The following RNF213 variants were observed in gnomAD, a reference collection of about 807,000 sequenced individuals.
The protein encoded by RNF213 is ring finger protein 213, also known as E3 ubiquitin-protein ligase RNF213.
RNF213 carries 341 observed loss-of-function variants against 514.4 expected under a neutral mutation model. That is an observed-to-expected ratio of 0.66 (90% CI 0.61 to 0.73). RNF213 has a LOEUF of 0.73. RNF213 is among the 30% of genes least tolerant of loss of function. RNF213 has a pLI of 0.00. For synonymous variants in RNF213, 2,655 were observed against 2,658.2 expected (o/e 1.00, Z 0.04); for missense variants, 5,767 against 6,615.6 (o/e 0.87, Z 4.45).
chr17:80,283,237 G>A (rs905762975), intron 3 of RNF213, among the ~76,000 whole-genome samples: 1 of 152,152 alleles, frequency 6.6e-6, no homozygotes, highest in African/African-American at 2.4e-5. Flanking sequence ...AGTCCTCACC[G>A]AGAAGTAAGT....
chr17:80,382,405 T>C (rs2080052576), intron 57 of RNF213: 1 of 158,492 alleles, frequency 6.3e-6, no homozygotes, highest in Non-Finnish European at 1.4e-5. Context: ...ATAACAATAA[T>C]AGCAAGAAGA....
At chr17:80,267,756 A>G (rs561963797) in intron 2 of RNF213, among the ~76,000 whole-genome samples, 2 of 152,230 alleles carry the variant, frequency 1.3e-5, no homozygotes, top group East Asian at 1.9e-4. Flanking sequence ...GAGAAGCTGC[A>G]GTAAGTTCTC....
chr17:80,296,610 G>T (rs1355219592), intron 10 of RNF213, among the ~76,000 whole-genome samples: 1 of 152,210 alleles, frequency 6.6e-6, no homozygotes, highest in Non-Finnish European at 1.5e-5. Flanking sequence ...TGATTTGAAC[G>T]TGAGAATGAC....
chr17:80,266,714 T>C (rs1017259065), intron 2 of RNF213, among the ~76,000 whole-genome samples: 3 of 151,116 alleles, frequency 2.0e-5, no homozygotes, highest in Non-Finnish European at 4.4e-5. Context: ...GTTGGCCAGG[T>C]TGGTATCAAA....
chr17:80,354,311 T>A, intron 35 of RNF213, 130 bp from the exon 36 acceptor site: 4 of 1,494,896 alleles, frequency 2.7e-6, no homozygotes, highest in Non-Finnish European at 3.7e-6. Context: ...TCTAAGAGCA[T>A]CTCTCAGATT....
intron 36 of RNF213, among the ~76,000 whole-genome samples, chr17:80,356,941 C>CA (rs547702945): frequency 2.1e-3 from 299 of 144,624 alleles, no homozygotes; most frequent in African/African-American, 7.5e-3. Flanking sequence ...TTTTTCGAGA[C>CA]AGAGTCTCAC....
At chr17:80,379,943 C>T (rs1391545510) in intron 55 of RNF213, 2 of 568,178 alleles carry the variant, frequency 3.5e-6, no homozygotes, top group Non-Finnish European at 6.4e-6. Flanking sequence ...TACCCTTTAA[C>T]AGCTGTTAAT....
Position 80,294,970 on chromosome 17 carries a change from G to A in RNF213, c.1722G>A (p.Gln574=). 3 of 1,614,204 alleles carry A rather than the reference G, an allele frequency of 1.9e-6. No individual in the cohort carries two copies. The highest frequency in any genetic ancestry group is 2.2e-5 in the South Asian group (2 of 91,080). Residue 574 remains glutamine, a synonymous_variant, in exon 9 of 68, where the codon CAG becomes CAA. Transcript: ENST00000582970. ...CTATGATTTATGAAGGACAGGCACAGCTGTGGACCGATTTGCAGTACAGGG... is the reference window on the plus strand; with the variant it reads ...CTATGATTTATGAAGGACAGGCACAACTGTGGACCGATTTGCAGTACAGGG... ...QQPMIYEGQA[Q]LWTDLQYREK...
chr17:80,314,180 G>A (rs2045732528), intron 15 of RNF213, among the ~76,000 whole-genome samples: 2 of 122,626 alleles, frequency 1.6e-5, no homozygotes, highest in African/African-American at 6.9e-5. Context: ...TGGAGGTGAT[G>A]GTGGTGGTGA....
chr17:80,294,603 C>A (rs2044867179), intron 8 of RNF213, 117 bp from the exon 9 acceptor site: 1 of 1,287,162 alleles, frequency 7.8e-7, no homozygotes. Context: ...TTCCTCCCTT[C>A]CTCTGCCCCA....
At chr17:80,308,474 A>G (rs2045451906) in intron 13 of RNF213, among the ~76,000 whole-genome samples, 1 of 143,898 alleles carries the variant, frequency 6.9e-6, no homozygotes, top group Admixed American at 6.8e-5. Context: ...AGTCCCTCCT[A>G]AGCCTCCTCC....
At chr17:80,381,520 G>C (rs772892791) in intron 56 of RNF213, 27 bp from the exon 57 acceptor site, 3 of 1,613,162 alleles carry the variant, frequency 1.9e-6, no homozygotes, top group East Asian at 2.2e-5. Context: ...GATCCCCGCT[G>C]AACACTCTGT....
chr17:80,268,645 G>A (rs62074444), intron 2 of RNF213, among the ~76,000 whole-genome samples: 53 of 151,190 alleles, frequency 3.5e-4, no homozygotes, highest in African/African-American at 5.1e-4. Context: ...CCGTTTATCT[G>A]TCTATCTATC....
At chr17:80,378,326 T>G (rs547202101) in intron 54 of RNF213, among the ~76,000 whole-genome samples, 14 of 152,274 alleles carry the variant, frequency 9.2e-5, no homozygotes, top group Admixed American at 8.5e-4. Context: ...CTGTGCGCCA[T>G]GGGGGAAGAA....
chr17:80,273,513 T>C (rs1285119753), intron 3 of RNF213, 109 bp downstream of exon 3: 1 of 1,397,758 alleles, frequency 7.2e-7, no homozygotes. Flanking sequence ...GCCCAGCCCA[T>C]TGAACCTGCC....
intron 5 of RNF213, 130 bp from the exon 6 acceptor site, chr17:80,289,529 G>A: frequency 1.1e-6 from 1 of 951,192 alleles, no homozygotes; most frequent in African/African-American, 1.7e-5. Context: ...GGCGGAGGTT[G>A]CAGTGAGCTG....
intron 16 of RNF213, 26 bp from the exon 17 acceptor site, chr17:80,319,164 A>C (rs772332535): frequency 1.3e-5 from 21 of 1,614,042 alleles, no homozygotes; most frequent in Non-Finnish European, 1.8e-5. Context: ...GAAAGCTCTG[A>C]AACCACCCCC....
At position 80,381,667 on chromosome 17, in the gene RNF213, G is replaced by T. The variant is rs138223459; in HGVS notation, c.13918G>T (p.Gly4640Cys). 7 of 1,614,182 alleles carry T rather than the reference G, an allele frequency of 4.3e-6. 1 individual carries two copies. The Middle Eastern group carries it at 4.9e-4, about 114-fold the overall frequency. Residue 4640 changes from glycine (G) to cysteine (C), a missense_variant, in exon 57 of 68, where the codon GGC becomes TGC. By Grantham distance (159) the Gly-to-Cys change is radical. Transcript: ENST00000582970. The stretch of plus-strand genomic sequence containing the variant: ...GGGACACAGTGCCGACGAGACCATC[G>T]GCGTGGTCCACCTCGTCCTGCGCAG... ...MLGHSADETIGVVHLVLRRLL... is the reference protein window; with the variant it reads ...MLGHSADETICVVHLVLRRLL...
chr17:80,348,089 G>A lies in RNF213; in HGVS notation c.9754G>A (p.Glu3252Lys). The change falls in exon 29 of 68, where the codon GAG becomes AAG. Residue 3252 changes from glutamate to lysine, a missense_variant. By Grantham distance (56) the Glu-to-Lys change is moderately conservative (BLOSUM62 1). This residue lies in a region of RNF213 where 919 missense variants were observed against 1,121.0 expected (regional missense o/e 0.82). Transcript: ENST00000582970. Reference sequence around the variant, plus strand: ...GGAGGAACTTCACCAGAAGGTGTCTGAGGAGGCCAAATCGATCCTGCTGAA... The same window carrying A: ...GGAGGAACTTCACCAGAAGGTGTCTAAGGAGGCCAAATCGATCCTGCTGAA... ...LTEELHQKVSEEAKSILLNCA... is the reference protein window; with the variant it reads ...LTEELHQKVSKEAKSILLNCA... 3 of 1,614,132 alleles carry A rather than the reference G, an allele frequency of 1.9e-6. No individual in the cohort carries two copies. The highest frequency in any genetic ancestry group is 1.7e-6 in the Non-Finnish European group (2 of 1,180,036).
Sources: gnomAD v4.1 joint callset for allele counts (sites outside exome capture counted in the v4.1 genomes callset) on GRCh38, gnomAD v4.1.1 for gene constraint, gnomAD v4.1.1 regional missense constraint, MANE v1.5 for transcripts, NCBI Gene and HGNC (gene_info 2026-07-23, HGNC 2026-07-21) for gene names.